The following NKAIN3 variants were observed in gnomAD, a reference collection of about 807,000 sequenced individuals.
The protein encoded by NKAIN3 is sodium/potassium transporting ATPase interacting 3, also known as sodium/potassium-transporting ATPase subunit beta-1-interacting protein 3.
Under a neutral mutation model 30.2 loss-of-function variants are expected in NKAIN3, and 25 were observed. That is an observed-to-expected ratio of 0.83 (90% CI 0.60 to 1.16). The LOEUF is 1.16. Among genes scored for constraint, NKAIN3 ranks in the 50% most tolerant of loss-of-function variants. The pLI, the probability that NKAIN3 is intolerant of heterozygous loss-of-function variation, is 0.00. For missense variants in NKAIN3, 225 were observed against 254.1 expected (o/e 0.89, Z 0.78); for synonymous variants, 91 against 89.6 (o/e 1.02, Z -0.09).
intron 1 of NKAIN3, among the ~76,000 whole-genome samples, chr8:62,517,922 G>GTATC (rs1316317561): frequency 3.4e-5 from 5 of 146,286 alleles, no homozygotes; most frequent in African/African-American, 1.4e-4. Flanking sequence ...ACCTGTATCT[G>GTATC]TATCTATATA....
chr8:62,826,109 T>C (rs540677146), intron 4 of NKAIN3, among the ~76,000 whole-genome samples: 1 of 152,316 alleles, frequency 6.6e-6, no homozygotes, highest in South Asian at 2.1e-4. Context: ...CTGATAATCA[T>C]GTTGGAAATT....
At chr8:62,942,227 TATATATACACATATATATAC>T (rs1822983803) in intron 5 of NKAIN3, among the ~76,000 whole-genome samples, 6 of 141,124 alleles carry the variant, frequency 4.3e-5, no homozygotes, top group African/African-American at 8.3e-5. Flanking sequence ...TATATATACA[TATATATACACATATATATAC>T]ATATATATAT....
intron 3 of NKAIN3, among the ~76,000 whole-genome samples, chr8:62,736,807 C>G (rs1815690500): frequency 6.6e-6 from 1 of 152,204 alleles, no homozygotes; most frequent in African/African-American, 2.4e-5. Context: ...ATTTGACTGG[C>G]GAGACACAGG....
In NKAIN3 at chr8:62,579,610, A is replaced by G. The variant is rs773154254; in HGVS notation, c.126A>G (p.Leu42=). 3 of 1,610,022 alleles carry G rather than the reference A, an allele frequency of 1.9e-6. No homozygotes were observed. Among genetic ancestry groups the G allele is most frequent in the Admixed American group, 1.7e-5 (1 of 59,876 alleles). The part of the protein sequence containing the change: ...FQWAPILGNF[L]HIIVVILGLF... ...GGGCGCCTATTCTTGGAAATTTTCTACACATAATAGTTGTCATATTGGGTT... is the reference window on the plus strand; with the variant it reads ...GGGCGCCTATTCTTGGAAATTTTCTGCACATAATAGTTGTCATATTGGGTT... Residue 42 remains leucine, a synonymous_variant, in exon 2 of 7, where the codon CTA becomes CTG. Coordinates refer to ENST00000623646, the MANE Select transcript of NKAIN3 (RefSeq NM_001304533.3).
intron 6 of NKAIN3, among the ~76,000 whole-genome samples, chr8:62,958,502 G>C (rs1359812175): frequency 6.6e-6 from 1 of 152,052 alleles, no homozygotes; most frequent in Non-Finnish European, 1.5e-5. Flanking sequence ...AAAGAGTAAA[G>C]ACTGCTCTTA....
At chr8:62,907,326 C>G (rs576376154) in intron 4 of NKAIN3, among the ~76,000 whole-genome samples, 3 of 152,228 alleles carry the variant, frequency 2.0e-5, no homozygotes, top group Admixed American at 6.5e-5. Flanking sequence ...GGAATTGGAA[C>G]TTATGTTTAA....
chr8:62,725,497 T>A (rs1397441770), intron 3 of NKAIN3, among the ~76,000 whole-genome samples: 1 of 152,162 alleles, frequency 6.6e-6, no homozygotes, highest in Non-Finnish European at 1.5e-5. Context: ...AGTAGTTTCA[T>A]AGTTTGAGGT....
intron 1 of NKAIN3, among the ~76,000 whole-genome samples, chr8:62,510,396 G>A (rs1461213221): frequency 1.3e-5 from 2 of 152,128 alleles, no homozygotes; most frequent in African/African-American, 2.4e-5. Flanking sequence ...TCAAGGGCTA[G>A]CCTTCTCCTC....
intron 4 of NKAIN3, among the ~76,000 whole-genome samples, chr8:62,767,942 T>A (rs1401859438): frequency 6.6e-6 from 1 of 152,170 alleles, no homozygotes; most frequent in African/African-American, 2.4e-5. Flanking sequence ...TTAAATAGAA[T>A]ATATTATTAA....
chr8:62,782,550 G>T (rs919241198), intron 4 of NKAIN3, among the ~76,000 whole-genome samples: 3 of 151,752 alleles, frequency 2.0e-5, no homozygotes, highest in Non-Finnish European at 4.4e-5. Context: ...AATGGATAAA[G>T]AAAATGTGGC....
intron 3 of NKAIN3, among the ~76,000 whole-genome samples, chr8:62,674,835 G>C (rs1813420852): frequency 2.0e-5 from 3 of 152,196 alleles, no homozygotes; most frequent in African/African-American, 7.2e-5. Context: ...CTACTTTACA[G>C]AGAAGAACAG....
chr8:62,280,064 T>C (rs1302567865), intron 1 of NKAIN3, among the ~76,000 whole-genome samples: 1 of 152,202 alleles, frequency 6.6e-6, no homozygotes, highest in South Asian at 2.1e-4. Flanking sequence ...CAGTGGTTTG[T>C]AGTTCCCCTT....
chr8:62,928,696 TC>T lies in NKAIN3; in HGVS notation c.532+10185del, dbSNP rs561264847. On this transcript the variant is annotated intron_variant, in intron 5 of 6. Coordinates refer to ENST00000623646, the MANE Select transcript of NKAIN3 (RefSeq NM_001304533.3). ...GATTCTTCATGTTCTTATCCTTTCT[TC>T]CTGCTGGACATAGACCAGCACTGAA... is the stretch of plus-strand genomic sequence containing the variant. 6.6e-5 allele frequency among the ~76,000 whole-genome samples: 10 copies of T among 152,332 alleles called. No individual in the cohort carries two copies. In the East Asian group the frequency reaches 1.7e-3, roughly 26 times the overall value.
At chr8:62,254,212 G>T (rs1812198774) in intron 1 of NKAIN3, among the ~76,000 whole-genome samples, 2 of 147,632 alleles carry the variant, frequency 1.4e-5, no homozygotes, top group South Asian at 4.3e-4. Context: ...AGGTCTAGCA[G>T]ATGTGTTTGG....
chr8:62,550,800 CAAG>C (rs1809180669), intron 1 of NKAIN3, among the ~76,000 whole-genome samples: 2 of 152,096 alleles, frequency 1.3e-5, no homozygotes, highest in African/African-American at 4.8e-5. Flanking sequence ...TGAGTATGTA[CAAG>C]AAGAAGAGTT....
At chr8:62,939,860 G>A (rs1373593754) in intron 5 of NKAIN3, among the ~76,000 whole-genome samples, 1 of 151,528 alleles carries the variant, frequency 6.6e-6, no homozygotes, top group Non-Finnish European at 1.5e-5. Context: ...AAAAAAGCAA[G>A]GTATTCAGGC....
At chr8:62,918,366 A>ATATTTATCTT in intron 4 of NKAIN3, 87 bp from the exon 5 acceptor site, 1 of 938,086 alleles carries the variant, frequency 1.1e-6, no homozygotes, top group South Asian at 1.5e-5. Context: ...TTGCTCATAA[A>ATATTTATCTT]TATTTATCTT....
intron 1 of NKAIN3, among the ~76,000 whole-genome samples, chr8:62,345,579 A>G (rs1378106873): frequency 6.8e-6 from 1 of 146,420 alleles, no homozygotes; most frequent in Non-Finnish European, 1.5e-5. Context: ...ATACACATAT[A>G]TGTATATACA....
intron 1 of NKAIN3, among the ~76,000 whole-genome samples, chr8:62,387,890 T>C (rs1330433988): frequency 6.6e-6 from 1 of 152,220 alleles, no homozygotes; most frequent in African/African-American, 2.4e-5. Context: ...CAAAAAACTC[T>C]GCTTATGGCT....
Sources: allele counts gnomAD v4.1 joint callset (sites outside exome capture counted in the v4.1 genomes callset), GRCh38; gene constraint gnomAD v4.1.1; transcripts MANE v1.5; gene names NCBI Gene and HGNC (gene_info 2026-07-23, HGNC 2026-07-21).